Variants in SPSB4 observed in about 807,000 individuals in gnomAD.
SPSB4 encodes splA/ryanodine receptor domain and SOCS box containing 4, also known as SPRY domain-containing SOCS box protein 4.
Under a neutral mutation model 20.9 loss-of-function variants are expected in SPSB4, and 21 were observed. The ratio of observed to expected loss-of-function variants is 1.01; its 90% CI spans 0.71 to 1.45. SPSB4 has a LOEUF of 1.45. SPSB4 is among the 40% of genes most tolerant of loss of function. The probability of loss-of-function intolerance (pLI) is 0.00; values close to 1 mark genes in which losing one functional copy is unlikely to be tolerated. For missense variants in SPSB4, 399 were observed against 399.2 expected, an observed-to-expected ratio of 1.00 and a Z score of 0.00; for synonymous variants, 207 against 183.8, an observed-to-expected ratio of 1.13 and a Z score of -1.02.
chr3:141,102,379 T>C (rs1235900421), intron 2 of SPSB4, among the ~76,000 whole-genome samples: 3 of 152,148 alleles, frequency 2.0e-5, no homozygotes, highest in Admixed American at 6.5e-5. Context: ...CTGTGGTTAC[T>C]AGTGTGCAGG....
At chr3:141,124,601 G>C (rs912070857) in intron 2 of SPSB4, among the ~76,000 whole-genome samples, 21 of 152,158 alleles carry the variant, frequency 1.4e-4, no homozygotes, top group Non-Finnish European at 2.6e-4. Flanking sequence ...AAGATAGAAA[G>C]GATGGGACAA....
At chr3:141,085,659 G>A (rs559180685) in intron 2 of SPSB4, among the ~76,000 whole-genome samples, 21 of 152,368 alleles carry the variant, frequency 1.4e-4, no homozygotes, top group African/African-American at 5.0e-4. Flanking sequence ...TGATCAGTAG[G>A]TGCTGCCTAG....
chr3:141,132,104 A>G (rs1576541681), intron 2 of SPSB4: 1 of 306,004 alleles, frequency 3.3e-6, no homozygotes, highest in Non-Finnish European at 6.4e-6. Flanking sequence ...GCACTACTCA[A>G]TGTGTAGTCT....
At chr3:141,100,615 G>T (rs1938600246) in intron 2 of SPSB4, among the ~76,000 whole-genome samples, 1 of 152,218 alleles carries the variant, frequency 6.6e-6, no homozygotes, top group African/African-American at 2.4e-5. Context: ...CACAGTCCAT[G>T]GCACTTTGTT....
chr3:141,066,334 G>C lies in SPSB4; in HGVS notation c.230G>C (p.Arg77Pro). The change falls in exon 2 of 3, where the codon CGG (arginine) becomes CCG (proline). Residue 77 changes from arginine (R) to proline (P), a missense_variant. Transcript: ENST00000310546. ...VKDDDRLTFH[R>P]HPVAQSTDGI... ...GACGACGACCGGCTCACCTTCCACC[G>C]GCACCCCGTGGCCCAGAGCACCGAC... 1 of 1,564,368 alleles carries C rather than the reference G, an allele frequency of 6.4e-7. No individual in the cohort carries two copies. Among genetic ancestry groups the C allele is most frequent in the East Asian group, 2.4e-5 (1 of 41,556 alleles).
At chr3:141,101,950 A>G (rs1330744508) in intron 2 of SPSB4, among the ~76,000 whole-genome samples, 1 of 152,190 alleles carries the variant, frequency 6.6e-6, no homozygotes, top group Non-Finnish European at 1.5e-5. Flanking sequence ...ACTCCTTCTC[A>G]AGGGCCCTTT....
At chr3:141,114,068 A>T (rs1938848088) in intron 2 of SPSB4, among the ~76,000 whole-genome samples, 1 of 152,216 alleles carries the variant, frequency 6.6e-6, no homozygotes, top group South Asian at 2.1e-4. Context: ...AGCCTGAGTG[A>T]CAGAGTAAGA....
chr3:141,062,311 A>C (rs912984178), intron 1 of SPSB4, among the ~76,000 whole-genome samples: 1 of 151,942 alleles, frequency 6.6e-6, no homozygotes, highest in Non-Finnish European at 1.5e-5. Context: ...TGATAGATTA[A>C]TATAATAGTA....
At chr3:141,090,104 C>T (rs949569042) in intron 2 of SPSB4, among the ~76,000 whole-genome samples, 7 of 152,040 alleles carry the variant, frequency 4.6e-5, no homozygotes, top group African/African-American at 7.2e-5. Context: ...CCTCTCTTCT[C>T]CTGCTTCCCA....
intron 2 of SPSB4, among the ~76,000 whole-genome samples, chr3:141,079,016 C>T (rs1032026844): frequency 6.6e-5 from 10 of 152,176 alleles, no homozygotes; most frequent in Admixed American, 2.6e-4. Context: ...AATCCCAGCA[C>T]TTTGGGAGGC....
chr3:141,066,919 C>T (rs1251233419), intron 2 of SPSB4, 121 bp downstream of exon 2: 15 of 1,036,374 alleles, frequency 1.4e-5, no homozygotes, highest in Non-Finnish European at 1.9e-5. Flanking sequence ...ATGGTCAGGA[C>T]CTGGGTTTCA....
At position 141,066,219 on chromosome 3, in the gene SPSB4, C is replaced by A. The variant is rs1198914898; in HGVS notation, c.115C>A (p.Gln39Lys). 2 of 1,549,016 alleles carry A rather than the reference C, an allele frequency of 1.3e-6. No individual in the cohort carries two copies. Among genetic ancestry groups the A allele is most frequent in the South Asian group, 2.4e-5 (2 of 83,672 alleles). The change falls in exon 2 of 3, where the codon CAG becomes AAG. Residue 39 changes from glutamine to lysine, a missense_variant. Transcript: ENST00000310546. The part of the protein sequence containing the change: ...AEPGRPARLD[Q>K]LLDMPAAGLA... ...GCCCGGGCGGCCGGCGCGGCTGGAC[C>A]AGCTGTTGGACATGCCAGCGGCGGG... is the stretch of plus-strand genomic sequence containing the variant.
intron 2 of SPSB4, among the ~76,000 whole-genome samples, chr3:141,069,538 C>A (rs1166511688): frequency 6.6e-6 from 1 of 152,140 alleles, no homozygotes. Flanking sequence ...TCAAAGACAT[C>A]CTTGGAAGCA....
At chr3:141,056,211 A>G (rs1937635780) in intron 1 of SPSB4, among the ~76,000 whole-genome samples, 1 of 152,198 alleles carries the variant, frequency 6.6e-6, no homozygotes, top group Non-Finnish European at 1.5e-5. Context: ...ATGTTGTGAA[A>G]TGTCATGTAT....
At position 141,120,616 on chromosome 3, in the gene SPSB4, T is replaced by G. The variant is rs528650270; in HGVS notation, c.695-26526T>G. Among the ~76,000 whole-genome samples, 233 of 152,340 alleles carry G rather than the reference T, an allele frequency of 1.5e-3. 1 individual carries two copies. Among genetic ancestry groups the G allele is most frequent in the African/African-American group, 5.3e-3 (219 of 41,570 alleles). ...GCTCCTGTATTGGGTGCATTTATAT[T>G]TAGGATAGTTAGTTCTTCTTGTTGA... On this transcript the variant is annotated intron_variant, in intron 2 of 2. Transcript: ENST00000310546.
intron 2 of SPSB4, among the ~76,000 whole-genome samples, chr3:141,145,911 T>G (rs1454739999): frequency 6.6e-6 from 1 of 152,204 alleles, no homozygotes; most frequent in Non-Finnish European, 1.5e-5. Context: ...AACCCTCCTA[T>G]TCACTCTTCA....
chr3:141,086,802 T>G (rs1938351137), intron 2 of SPSB4, among the ~76,000 whole-genome samples: 1 of 152,222 alleles, frequency 6.6e-6, no homozygotes, highest in Non-Finnish European at 1.5e-5. Context: ...TTTATATGTG[T>G]CACCTCTTTT....
At chr3:141,128,127 C>A (rs1005510701) in intron 2 of SPSB4, among the ~76,000 whole-genome samples, 1 of 152,076 alleles carries the variant, frequency 6.6e-6, no homozygotes, top group African/African-American at 2.4e-5. Context: ...ATGGTTAAGT[C>A]GGTGGGGAAG....
intron 2 of SPSB4, among the ~76,000 whole-genome samples, chr3:141,068,816 G>A (rs907011522): frequency 1.3e-5 from 2 of 152,210 alleles, no homozygotes; most frequent in African/African-American, 4.8e-5. Context: ...GTTTTCAGGT[G>A]CAAAGCCAAG....
Sources: allele counts gnomAD v4.1 joint callset (sites outside exome capture counted in the v4.1 genomes callset), GRCh38; gene constraint gnomAD v4.1.1; transcripts MANE v1.5; gene names NCBI Gene and HGNC (gene_info 2026-07-23, HGNC 2026-07-21).